Variants in MORC1 observed in about 807,000 individuals in gnomAD.
MORC1 encodes MORC family CW-type zinc finger protein 1.
MORC1 carries 59 observed loss-of-function variants against 134.9 expected under a neutral mutation model. The observed-to-expected ratio is 0.44, with a 90% CI of 0.35 to 0.54. The LOEUF is 0.54. Ranked by LOEUF, MORC1 falls within the 20% of genes least tolerant of loss-of-function variation. MORC1 has a pLI of 0.00. For synonymous variants in MORC1, 395 were observed against 391.7 expected, an observed-to-expected ratio of 1.01 and a Z score of -0.10; for missense variants, 947 against 1,134.5, an observed-to-expected ratio of 0.83 and a Z score of 2.37.
At chr3:108,988,095 G>C (rs1947944385) in intron 21 of MORC1, among the ~76,000 whole-genome samples, 1 of 152,016 alleles carries the variant, frequency 6.6e-6, no homozygotes, top group African/African-American at 2.4e-5. Context: ...ATGTAGTCTA[G>C]AGAGGATGTC....
chr3:109,049,096 T>A, intron 14 of MORC1: 2 of 965,572 alleles, frequency 2.1e-6, no homozygotes, highest in Non-Finnish European at 2.5e-6. Flanking sequence ...ACTTGTCTCA[T>A]ATTCTCACCT....
chr3:109,096,600 G>C (rs1291395380), intron 6 of MORC1, among the ~76,000 whole-genome samples: 1 of 152,114 alleles, frequency 6.6e-6, no homozygotes, highest in Non-Finnish European at 1.5e-5. Flanking sequence ...CCTATTCCTG[G>C]AAAATTCATG....
chr3:109,086,502 T>C (rs1024395276), intron 8 of MORC1, among the ~76,000 whole-genome samples: 1 of 152,052 alleles, frequency 6.6e-6, no homozygotes, highest in African/African-American at 2.4e-5. Context: ...TGGATTGTGT[T>C]CATGCCCTGG....
Position 109,005,087 on chromosome 3 carries a change from G to C in MORC1, c.1996C>G (p.Leu666Val). 1 of 1,611,126 alleles carries C rather than the reference G, an allele frequency of 6.2e-7. No homozygotes were observed. Among genetic ancestry groups the C allele is most frequent in the South Asian group, 1.1e-5 (1 of 90,238 alleles). Residue 666 changes from leucine to valine, a missense_variant, in exon 19 of 28, where the codon CTA becomes GTA. Physicochemically the swap from Leu to Val is conservative, Grantham distance 32 (BLOSUM62 1). Coordinates refer to ENST00000232603, the MANE Select transcript of MORC1 (RefSeq NM_014429.4). The stretch of plus-strand genomic sequence containing the variant: ...AATAATACCTGGGATCTCTCAGCTA[G>C]TTTGACATTTTCTGGCAGAGCTACT... ...IPVALPENVK[L>V]AERSQRSQIA...
At chr3:109,070,931 A>G (rs1484738305) in intron 8 of MORC1, among the ~76,000 whole-genome samples, 1 of 152,196 alleles carries the variant, frequency 6.6e-6, no homozygotes, top group African/African-American at 2.4e-5. Context: ...TTTTCCCAGT[A>G]TAAATTACAT....
At chr3:108,961,207 T>C (rs1947072243) in intron 27 of MORC1, among the ~76,000 whole-genome samples, 1 of 152,192 alleles carries the variant, frequency 6.6e-6, no homozygotes, top group Non-Finnish European at 1.5e-5. Context: ...CCTCTGCATC[T>C]TTTCTCTGGT....
At chr3:108,969,843 T>A (rs375766026) in intron 25 of MORC1, 121 bp from the exon 26 acceptor site, 1 of 850,954 alleles carries the variant, frequency 1.2e-6, no homozygotes. Flanking sequence ...CTGGCCAACA[T>A]TGGTACTATG....
At chr3:109,081,194 A>G (rs1342605458) in intron 8 of MORC1, among the ~76,000 whole-genome samples, 1 of 152,200 alleles carries the variant, frequency 6.6e-6, no homozygotes. Flanking sequence ...ATGTTGACAG[A>G]TACAAGCTCA....
At chr3:109,112,790 T>C (rs564489977) in intron 2 of MORC1, among the ~76,000 whole-genome samples, 6 of 152,162 alleles carry the variant, frequency 3.9e-5, no homozygotes, top group Non-Finnish European at 8.8e-5. Flanking sequence ...ATAAACACTG[T>C]GCAAACTTTC....
chr3:109,025,372 CTTTT>C (rs1176927651), intron 17 of MORC1, among the ~76,000 whole-genome samples: 8 of 109,028 alleles, frequency 7.3e-5, no homozygotes, highest in African/African-American at 1.0e-4. Flanking sequence ...GTTTCTTTTT[CTTTT>C]TTCTTTTTTT....
chr3:109,026,470 TAAAC>T (rs890167445), intron 17 of MORC1, among the ~76,000 whole-genome samples: 5 of 152,166 alleles, frequency 3.3e-5, no homozygotes, highest in African/African-American at 1.2e-4. Flanking sequence ...CATCCAATTC[TAAAC>T]AAACAACAAG....
chr3:108,963,888 G>A (rs547226375), intron 26 of MORC1, among the ~76,000 whole-genome samples: 9 of 152,230 alleles, frequency 5.9e-5, no homozygotes, highest in South Asian at 2.1e-4. Flanking sequence ...CTGGAATGAA[G>A]AAGAAACCTC....
intron 25 of MORC1, among the ~76,000 whole-genome samples, chr3:108,970,097 C>T (rs1198000580): frequency 1.3e-5 from 2 of 151,976 alleles, no homozygotes; most frequent in African/African-American, 4.8e-5. Flanking sequence ...GGGGAAGTCA[C>T]TGGCATGTGG....
intron 24 of MORC1, among the ~76,000 whole-genome samples, chr3:108,972,837 T>A (rs900513123): frequency 2.9e-4 from 44 of 152,230 alleles, no homozygotes; most frequent in African/African-American, 1.0e-3. Context: ...TAAATTCTTT[T>A]GCCTTTAAAT....
intron 9 of MORC1, among the ~76,000 whole-genome samples, chr3:109,065,479 T>C (rs1341541278): frequency 6.6e-6 from 1 of 152,158 alleles, no homozygotes; most frequent in Non-Finnish European, 1.5e-5. Flanking sequence ...TATTAATGCC[T>C]ATGTGTGGTG....
intron 26 of MORC1, among the ~76,000 whole-genome samples, chr3:108,964,986 C>G (rs751520510): frequency 2.0e-5 from 3 of 152,186 alleles, no homozygotes; most frequent in Non-Finnish European, 2.9e-5. Flanking sequence ...GTAACCACCA[C>G]CTCCACCAGG....
At chr3:109,034,628 T>C (rs558608894) in intron 15 of MORC1, among the ~76,000 whole-genome samples, 1 of 152,342 alleles carries the variant, frequency 6.6e-6, no homozygotes, top group South Asian at 2.1e-4. Context: ...TGTTACATAT[T>C]AAAAATAGAA....
intron 20 of MORC1, among the ~76,000 whole-genome samples, chr3:109,002,806 G>C (rs1451192381): frequency 1.3e-5 from 2 of 152,034 alleles, no homozygotes; most frequent in African/African-American, 4.8e-5. Context: ...ATTACTTATA[G>C]GATAAATGCA....
chr3:109,005,274 G>T lies in MORC1; in HGVS notation c.1809C>A (p.Asp603Glu). The part of the protein sequence containing the change: ...KTQKIRLLGD[D>E]LKHESLSSFE... Reference sequence around the variant, plus strand: ...AGGATGAAAGAGATTCATGCTTCAAGTCATCGCCCAAAAGCCTGATTTTCT... The same window carrying T: ...AGGATGAAAGAGATTCATGCTTCAATTCATCGCCCAAAAGCCTGATTTTCT... Residue 603 changes from aspartate (D) to glutamate (E), a missense_variant, in exon 19 of 28, where the codon GAC (aspartate) becomes GAA (glutamate). Physicochemically the swap from Asp to Glu is conservative, Grantham distance 45. Coordinates refer to ENST00000232603, the MANE Select transcript of MORC1 (RefSeq NM_014429.4). The T allele has an allele frequency of 6.2e-7, 1 of 1,608,556 alleles. No individual in the cohort carries two copies. Among genetic ancestry groups the T allele is most frequent in the Non-Finnish European group, 8.5e-7 (1 of 1,178,672 alleles).
Sources: gnomAD v4.1 joint callset for allele counts (sites outside exome capture counted in the v4.1 genomes callset) on GRCh38, gnomAD v4.1.1 for gene constraint, MANE v1.5 for transcripts, NCBI Gene and HGNC (gene_info 2026-07-23, HGNC 2026-07-21) for gene names.